Variants in EPB41L3 observed in about 807,000 individuals in gnomAD.
EPB41L3 encodes the protein erythrocyte membrane protein band 4.1 like 3, also known as band 4.1-like protein 3.
EPB41L3 carries 57 observed loss-of-function variants against 127.1 expected under a neutral mutation model. That is an observed-to-expected ratio of 0.45 (90% CI 0.36 to 0.56). EPB41L3 has a LOEUF of 0.56. EPB41L3 is among the 20% of genes least tolerant of loss of function. The pLI, the probability that EPB41L3 is intolerant of heterozygous loss-of-function variation, is 0.00. For synonymous variants in EPB41L3, 572 were observed against 549.5 expected, an observed-to-expected ratio of 1.04 and a Z score of -0.57; for missense variants, 1,273 against 1,372.2, an observed-to-expected ratio of 0.93 and a Z score of 1.14.
intron 1 of EPB41L3, among the ~76,000 whole-genome samples, chr18:5,502,111 G>A (rs2091799742): frequency 6.6e-6 from 1 of 152,156 alleles, no homozygotes; most frequent in Non-Finnish European, 1.5e-5. Flanking sequence ...TGTGGTTGGG[G>A]CTGCCTTCTG....
chr18:5,463,289 A>G (rs937727213), intron 3 of EPB41L3, among the ~76,000 whole-genome samples: 1 of 152,220 alleles, frequency 6.6e-6, no homozygotes, highest in Non-Finnish European at 1.5e-5. Flanking sequence ...GCTCCTCAGA[A>G]GCACTCATCC....
At chr18:5,405,851 A>T (rs2075297775) in intron 16 of EPB41L3, among the ~76,000 whole-genome samples, 1 of 151,826 alleles carries the variant, frequency 6.6e-6, no homozygotes, top group Non-Finnish European at 1.5e-5. Context: ...TTAAATGTAC[A>T]GCCAAAGAGT....
chr18:5,445,209 C>A lies in EPB41L3; in HGVS notation c.417G>T (p.Val139=), dbSNP rs762410859. The A allele has an allele frequency of 1.2e-6, 2 of 1,614,064 alleles. No individual in the cohort carries two copies. Among genetic ancestry groups the A allele is most frequent in the South Asian group, 2.2e-5 (2 of 91,076 alleles). ...TCTCTAGCAAGTTCAAGTGTTCACACACTTTATCAAACAGCACTTGTCCTC... is the reference window on the plus strand; with the variant it reads ...TCTCTAGCAAGTTCAAGTGTTCACAAACTTTATCAAACAGCACTTGTCCTC... The part of the protein sequence containing the change: ...RSRGQVLFDK[V]CEHLNLLEKD... Residue 139 remains valine, a synonymous_variant, in exon 4 of 23, where the codon GTG becomes GTT. Transcript: ENST00000341928.
In EPB41L3 at chr18:5,566,931, G is replaced by A. The variant is rs145274412; in HGVS notation, c.-306+45409C>T. 1.6e-3 allele frequency among the ~76,000 whole-genome samples: 249 copies of A among 151,960 alleles called. 1 individual carries two copies. The highest frequency in any genetic ancestry group is 5.7e-3 in the African/African-American group (235 of 41,436). On this transcript the variant is annotated intron_variant, in intron 3 of 21. Transcript: ENST00000545076. The stretch of plus-strand genomic sequence containing the variant: ...AGCAATTCTCCTGCCTCAGCCTCCC[G>A]AGTAGTTGGGATTACAGGCACACAC...
intron 3 of EPB41L3, among the ~76,000 whole-genome samples, chr18:5,563,613 T>C (rs1906936847): frequency 6.6e-6 from 1 of 152,164 alleles, no homozygotes; most frequent in Admixed American, 6.5e-5. Flanking sequence ...AATGCACTAG[T>C]GCTGACTGCA....
chr18:5,591,873 T>C (rs1432717340), intron 3 of EPB41L3, among the ~76,000 whole-genome samples: 1 of 152,188 alleles, frequency 6.6e-6, no homozygotes, highest in Non-Finnish European at 1.5e-5. Flanking sequence ...TAATCCTTTA[T>C]AGTCACTACC....
At chr18:5,515,974 G>A (rs2092733547) in intron 1 of EPB41L3, among the ~76,000 whole-genome samples, 1 of 152,176 alleles carries the variant, frequency 6.6e-6, no homozygotes, top group African/African-American at 2.4e-5. Flanking sequence ...TCATTTCCCT[G>A]ACTATAAAAG....
At chr18:5,580,683 C>T (rs2094385662) in intron 3 of EPB41L3, among the ~76,000 whole-genome samples, 3 of 152,170 alleles carry the variant, frequency 2.0e-5, no homozygotes, top group Admixed American at 1.3e-4. Context: ...TAAATGCCCA[C>T]ACTTATGCAT....
At chr18:5,625,517 A>G (rs2144312889) in intron 1 of EPB41L3, among the ~76,000 whole-genome samples, 1 of 152,322 alleles carries the variant, frequency 6.6e-6, no homozygotes, top group South Asian at 2.1e-4. Flanking sequence ...GATGAATGAA[A>G]TTTTTAAACA....
At chr18:5,452,802 G>A (rs1055863783) in intron 3 of EPB41L3, among the ~76,000 whole-genome samples, 1 of 143,750 alleles carries the variant, frequency 7.0e-6, no homozygotes, top group South Asian at 2.2e-4. Context: ...GTGTGTGTGT[G>A]TGTTTTTAAA....
At chr18:5,609,274 A>T (rs906567491) in intron 3 of EPB41L3, among the ~76,000 whole-genome samples, 4 of 152,230 alleles carry the variant, frequency 2.6e-5, no homozygotes, top group Admixed American at 1.3e-4. Context: ...AAAAGTATAG[A>T]AGATAATCCT....
chr18:5,583,933 C>T (rs1178574820), intron 3 of EPB41L3, among the ~76,000 whole-genome samples: 9 of 152,104 alleles, frequency 5.9e-5, no homozygotes, highest in African/African-American at 2.2e-4. Flanking sequence ...CTCAGCCTCC[C>T]GAGTAGCTGG....
chr18:5,460,450 G>A (rs1319178825), intron 3 of EPB41L3, among the ~76,000 whole-genome samples: 1 of 152,144 alleles, frequency 6.6e-6, no homozygotes, highest in African/African-American at 2.4e-5. Context: ...TCTAAAAAAT[G>A]TGATATATAT....
chr18:5,558,864 G>A (rs575020310), intron 3 of EPB41L3, among the ~76,000 whole-genome samples: 2 of 152,282 alleles, frequency 1.3e-5, no homozygotes, highest in South Asian at 4.1e-4. Context: ...GACATAACAG[G>A]ACAAACATTC....
intron 3 of EPB41L3, among the ~76,000 whole-genome samples, chr18:5,596,968 T>G (rs2094542624): frequency 6.6e-6 from 1 of 152,102 alleles, no homozygotes; most frequent in South Asian, 2.1e-4. Flanking sequence ...GCATAGTCTA[T>G]CCCAGCTACT....
chr18:5,598,870 C>T (rs1044389703), intron 3 of EPB41L3, among the ~76,000 whole-genome samples: 1 of 152,196 alleles, frequency 6.6e-6, no homozygotes, highest in Non-Finnish European at 1.5e-5. Context: ...TACACTTGTG[C>T]TCAGTCTCTT....
rs2076824883 is a variant in EPB41L3 at position 5,416,366 on chromosome 18, C to A, written c.1519G>T (p.Gly507Cys). The A allele has an allele frequency of 1.2e-6, 2 of 1,612,022 alleles. No individual in the cohort carries two copies. Among genetic ancestry groups the A allele is most frequent in the Non-Finnish European group, 1.7e-6 (2 of 1,179,062 alleles). ...GGTGACAAGGGACATGAGTCAGTGC[C>A]AAGCCCAGGTGACTGATGTGAAAGA... ...IRHEGKSPGLGTDSCPLSPPS... is the reference protein window; with the variant it reads ...IRHEGKSPGLCTDSCPLSPPS... The change falls in exon 13 of 23, where the codon GGC becomes TGC. Residue 507 changes from glycine (G) to cysteine (C), a missense_variant. Coordinates refer to ENST00000341928, the MANE Select transcript of EPB41L3 (RefSeq NM_012307.5).
intron 1 of EPB41L3, among the ~76,000 whole-genome samples, chr18:5,516,334 T>C (rs1225267280): frequency 6.6e-6 from 1 of 152,220 alleles, no homozygotes; most frequent in African/African-American, 2.4e-5. Context: ...TAGGGATTCT[T>C]GTTCTCCTTA....
intron 3 of EPB41L3, among the ~76,000 whole-genome samples, chr18:5,566,638 G>T (rs1052787512): frequency 6.6e-6 from 1 of 152,094 alleles, no homozygotes; most frequent in Non-Finnish European, 1.5e-5. Context: ...AACCAAAAAA[G>T]AGTCTGCATC....
Sources: gnomAD v4.1 joint callset for allele counts (sites outside exome capture counted in the v4.1 genomes callset) on GRCh38, gnomAD v4.1.1 for gene constraint, MANE v1.5 for transcripts, NCBI Gene and HGNC (gene_info 2026-07-23, HGNC 2026-07-21) for gene names.